Variants in SORCS3 observed in about 807,000 individuals in gnomAD.
SORCS3 encodes sortilin related VPS10 domain containing receptor 3.
In SORCS3, 57 loss-of-function variants were observed where a neutral mutation model predicts 146.3. That is an observed-to-expected ratio of 0.39 (90% CI 0.31 to 0.49). SORCS3 has a LOEUF of 0.49. Among genes scored for constraint, SORCS3 ranks in the 20% least tolerant of loss-of-function variants. The pLI is 0.92. For missense variants in SORCS3, 1,341 were observed against 1,575.5 expected (o/e 0.85, Z 2.52); for synonymous variants, 653 against 618.5 (o/e 1.06, Z -0.83).
intron 6 of SORCS3, among the ~76,000 whole-genome samples, chr10:105,096,673 T>TGGATGAGTTTCCACCATCCAAAG (rs1314474091): frequency 1.3e-5 from 2 of 152,030 alleles, no homozygotes; most frequent in African/African-American, 4.8e-5. Context: ...TGGGATGAAT[T>TGGATGAGTTTCCACCATCCAAAG]GGATGAGTTT....
At chr10:104,651,790 G>A (rs1384699368) in intron 1 of SORCS3, among the ~76,000 whole-genome samples, 2 of 152,118 alleles carry the variant, frequency 1.3e-5, no homozygotes, top group East Asian at 3.9e-4. Flanking sequence ...TGCTCTGCAT[G>A]CTGGCCTGAT....
At chr10:104,715,126 G>A (rs1291256479) in intron 1 of SORCS3, among the ~76,000 whole-genome samples, 1 of 152,174 alleles carries the variant, frequency 6.6e-6, no homozygotes, top group East Asian at 1.9e-4. Context: ...ACTGGGTTAA[G>A]GGATGCCCAG....
intron 9 of SORCS3, among the ~76,000 whole-genome samples, chr10:105,151,474 T>C (rs1445560391): frequency 6.6e-6 from 1 of 152,154 alleles, no homozygotes; most frequent in Non-Finnish European, 1.5e-5. Flanking sequence ...AATAGGACAT[T>C]ACACCTGTTT....
In SORCS3 at chr10:105,192,381, G is replaced by A. The variant is rs1184653989; in HGVS notation, c.2010-7618G>A. Among the ~76,000 whole-genome samples, 6 of 152,176 alleles carry A rather than the reference G, an allele frequency of 3.9e-5. No homozygotes were observed. In the South Asian group the frequency reaches 6.2e-4, roughly 16 times the overall value. Reference sequence around the variant, plus strand: ...AGAGGAAAAGCATGTTGAAGCCTGCGTCTCTTGATGCAGAGGCTTCTAGCC... The same window carrying A: ...AGAGGAAAAGCATGTTGAAGCCTGCATCTCTTGATGCAGAGGCTTCTAGCC... On this transcript the variant is annotated intron_variant, in intron 14 of 26. Coordinates refer to ENST00000369701, the MANE Select transcript of SORCS3 (RefSeq NM_014978.3).
chr10:105,099,396 TC>T (rs35793051), intron 6 of SORCS3, among the ~76,000 whole-genome samples: 24,145 of 152,174 alleles, frequency 0.16, 2,111 homozygotes, highest in Middle Eastern at 0.2. Context: ...GAAAGTTTTT[TC>T]TCTGAGATGA....
At chr10:105,242,384 ATATATT>A (rs1417524510) in intron 20 of SORCS3, among the ~76,000 whole-genome samples, 3 of 114,132 alleles carry the variant, frequency 2.6e-5, no homozygotes, top group East Asian at 2.5e-4. Context: ...ATATATTTAT[ATATATT>A]TATATATTTA....
chr10:104,697,650 A>G (rs1589462574), intron 1 of SORCS3, among the ~76,000 whole-genome samples: 1 of 152,094 alleles, frequency 6.6e-6, no homozygotes. Context: ...GAGTGCATTT[A>G]TGGATGATCA....
rs1243824637 is a variant in SORCS3 at position 105,263,006 on chromosome 10, A to G, written c.3605-304A>G. On this transcript the variant is annotated intron_variant, in intron 26 of 26. Coordinates refer to ENST00000369701, the MANE Select transcript of SORCS3 (RefSeq NM_014978.3). ...TGTGATAATGACCTGCTGTTATGTC[A>G]TTAGCCCAGTGCCTGCCACATAGTA... Among the ~76,000 whole-genome samples the G allele has an allele frequency of 2.0e-5, 3 of 152,324 alleles. No individual in the cohort carries two copies. In the East Asian group the frequency reaches 5.8e-4, roughly 29 times the overall value.
chr10:104,870,839 A>C (rs2018511860), intron 2 of SORCS3, among the ~76,000 whole-genome samples: 1 of 152,158 alleles, frequency 6.6e-6, no homozygotes, highest in Non-Finnish European at 1.5e-5. Context: ...CTCGGAAGGA[A>C]TTTCCCAATG....
chr10:104,644,495 T>C (rs2133233879), intron 1 of SORCS3, among the ~76,000 whole-genome samples: 1 of 152,336 alleles, frequency 6.6e-6, no homozygotes, highest in South Asian at 2.1e-4. Context: ...TTGACCCAGC[T>C]GGTTTTTCTC....
At chr10:105,070,898 A>G (rs114876745) in intron 5 of SORCS3, among the ~76,000 whole-genome samples, 1,632 of 152,330 alleles carry the variant, frequency 0.011, 28 homozygotes, top group African/African-American at 0.037. Context: ...CCCCAGAGCC[A>G]GTTGTACAGA....
intron 1 of SORCS3, among the ~76,000 whole-genome samples, chr10:104,813,181 TG>T (rs1393761542): frequency 6.6e-6 from 1 of 152,218 alleles, no homozygotes; most frequent in Non-Finnish European, 1.5e-5. Context: ...GGGCCTTCAC[TG>T]CTGCTATTCC....
intron 9 of SORCS3, among the ~76,000 whole-genome samples, chr10:105,154,377 G>T (rs150848596): frequency 0.013 from 2,040 of 152,290 alleles, 43 homozygotes; most frequent in African/African-American, 0.046. Flanking sequence ...GAGGTCTCTG[G>T]GAGGTGACCA....
intron 7 of SORCS3, among the ~76,000 whole-genome samples, chr10:105,127,983 A>T (rs1040907745): frequency 2.6e-5 from 4 of 152,180 alleles, no homozygotes; most frequent in Admixed American, 6.6e-5. Context: ...TCAGGGCTGC[A>T]CCATGTAGTG....
At chr10:104,865,165 G>A (rs543678423) in intron 2 of SORCS3, among the ~76,000 whole-genome samples, 50 of 152,262 alleles carry the variant, frequency 3.3e-4, no homozygotes, top group South Asian at 1.2e-3. Flanking sequence ...AAGGGATTGT[G>A]TTTTTCTCAC....
At chr10:104,902,511 C>CT (rs1458425961) in intron 2 of SORCS3, among the ~76,000 whole-genome samples, 1 of 152,188 alleles carries the variant, frequency 6.6e-6, no homozygotes, top group Non-Finnish European at 1.5e-5. Flanking sequence ...TCCAGTTATA[C>CT]TTTTTTCCTT....
intron 4 of SORCS3, among the ~76,000 whole-genome samples, chr10:104,980,719 G>A (rs2054927322): frequency 6.6e-6 from 1 of 152,154 alleles, no homozygotes; most frequent in Non-Finnish European, 1.5e-5. Flanking sequence ...ATCTCGTTAT[G>A]TTGTATGTAT....
At chr10:104,918,274 T>C (rs1166198208) in intron 3 of SORCS3, among the ~76,000 whole-genome samples, 1 of 152,142 alleles carries the variant, frequency 6.6e-6, no homozygotes, top group African/African-American at 2.4e-5. Flanking sequence ...TTAGAAATCA[T>C]TTTTCCATGC....
chr10:105,255,642 C>A, intron 23 of SORCS3, 60 bp from the exon 24 acceptor site: 2 of 1,162,004 alleles, frequency 1.7e-6, no homozygotes, highest in South Asian at 1.3e-5. Flanking sequence ...GGTTTCTTAC[C>A]CCATGAGGGA....
Sources: gnomAD v4.1 joint callset for allele counts (sites outside exome capture counted in the v4.1 genomes callset) on GRCh38, gnomAD v4.1.1 for gene constraint, MANE v1.5 for transcripts, NCBI Gene and HGNC (gene_info 2026-07-23, HGNC 2026-07-21) for gene names.